The following PACRG variants were observed in gnomAD, a reference collection of about 807,000 sequenced individuals.
PACRG encodes the protein parkin coregulated, also known as parkin coregulated gene protein.
A neutral mutation model predicts 29.7 loss-of-function variants in PACRG; 29 were observed. That is an observed-to-expected ratio of 0.98 (90% CI 0.73 to 1.33). The LOEUF (loss-of-function observed/expected upper bound fraction) is 1.33, where lower values mean the gene tolerates loss of function less well. Ranked by LOEUF, PACRG falls within the 40% of genes most tolerant of loss-of-function variation. PACRG has a pLI of 0.00. For synonymous variants in PACRG, 116 were observed against 118.7 expected (o/e 0.98, Z 0.15); for missense variants, 279 against 316.2 (o/e 0.88, Z 0.89).
At chr6:162,768,622 T>C (rs1298945156) in intron 1 of PACRG, among the ~76,000 whole-genome samples, 3 of 152,144 alleles carry the variant, frequency 2.0e-5, no homozygotes, top group Admixed American at 1.3e-4. Context: ...TTCAACATAA[T>C]TTGTTCAGCT....
intron 2 of PACRG, among the ~76,000 whole-genome samples, chr6:163,028,651 A>G (rs925174075): frequency 2.0e-5 from 3 of 152,252 alleles, no homozygotes; most frequent in African/African-American, 7.2e-5. Context: ...TATAAAGTTT[A>G]AATGATCAAA....
intron 3 of PACRG, among the ~76,000 whole-genome samples, chr6:163,067,256 T>C (rs1811639843): frequency 6.6e-6 from 1 of 152,214 alleles, no homozygotes; most frequent in African/African-American, 2.4e-5. Flanking sequence ...CCGTGGTCGA[T>C]GCTGTTGCTG....
At chr6:162,780,619 A>T (rs192466430) in intron 1 of PACRG, among the ~76,000 whole-genome samples, 3 of 152,308 alleles carry the variant, frequency 2.0e-5, no homozygotes, top group African/African-American at 7.2e-5. Flanking sequence ...TAATAGAAAT[A>T]GGACATTAAA....
At chr6:162,870,339 G>A (rs529262734) in intron 2 of PACRG, among the ~76,000 whole-genome samples, 1 of 152,210 alleles carries the variant, frequency 6.6e-6, no homozygotes, top group Admixed American at 6.5e-5. Flanking sequence ...TCACTCAGAG[G>A]GATATTCCAA....
At chr6:163,219,389 G>A (rs2128158471) in intron 4 of PACRG, among the ~76,000 whole-genome samples, 1 of 152,306 alleles carries the variant, frequency 6.6e-6, no homozygotes, top group South Asian at 2.1e-4. Context: ...TATCCAGAAT[G>A]TGTCTTCCCA....
chr6:163,055,498 A>C lies in PACRG; in HGVS notation c.292-6652A>C, dbSNP rs1466522295. Among the ~76,000 whole-genome samples, 1 of 152,218 alleles carries C rather than the reference A, an allele frequency of 6.6e-6. No homozygotes were observed. The highest frequency in any genetic ancestry group is 1.5e-5 in the Non-Finnish European group (1 of 68,042). On this transcript the variant is annotated intron_variant, in intron 2 of 4. Coordinates refer to ENST00000366888, the MANE Select transcript of PACRG (RefSeq NM_001080379.2). The surrounding 1 kb of genome is among the most constrained non-coding windows in gnomAD (Gnocchi z 4.0). The stretch of plus-strand genomic sequence containing the variant: ...TTCATCCACTGAAAACAAAATTATT[A>C]TAATAAAAAGGAACCCTGGAAGATA...
chr6:162,857,767 TG>T (rs886284223), intron 2 of PACRG, among the ~76,000 whole-genome samples: 2 of 113,658 alleles, frequency 1.8e-5, no homozygotes, highest in Non-Finnish European at 3.5e-5. Flanking sequence ...CCATTTGCTC[TG>T]TTTTTTTTTT....
chr6:162,970,123 T>A (rs1801401329), intron 2 of PACRG, among the ~76,000 whole-genome samples: 1 of 152,216 alleles, frequency 6.6e-6, no homozygotes, highest in African/African-American at 2.4e-5. Flanking sequence ...CCTTCTCATG[T>A]GAGTTGCATT....
intron 2 of PACRG, among the ~76,000 whole-genome samples, chr6:162,864,793 A>G (rs868080087): frequency 5.9e-5 from 9 of 152,312 alleles, no homozygotes; most frequent in Middle Eastern, 3.4e-3. Context: ...TCCACCTCTG[A>G]TTACTCCTAC....
At chr6:162,874,934 C>T (rs1271288583) in intron 2 of PACRG, among the ~76,000 whole-genome samples, 2 of 152,084 alleles carry the variant, frequency 1.3e-5, no homozygotes, top group Non-Finnish European at 2.9e-5. Context: ...TACACACACA[C>T]ATACACTCAC....
chr6:163,290,278 G>GCACA (rs3064946), intron 4 of PACRG, among the ~76,000 whole-genome samples: 4,580 of 114,350 alleles, frequency 0.04, 104 homozygotes, highest in East Asian at 0.078. Flanking sequence ...GCGCGCGCGC[G>GCACA]CACACACACA....
At chr6:162,859,852 CTT>C (rs1791708726) in intron 2 of PACRG, among the ~76,000 whole-genome samples, 1 of 152,104 alleles carries the variant, frequency 6.6e-6, no homozygotes, top group South Asian at 2.1e-4. Flanking sequence ...GTCTTTGGGT[CTT>C]AATTTCAGAA....
chr6:163,207,801 T>C (rs1435754692), intron 4 of PACRG, among the ~76,000 whole-genome samples: 1 of 152,192 alleles, frequency 6.6e-6, no homozygotes, highest in Non-Finnish European at 1.5e-5. Context: ...ATAATGAAAG[T>C]GGAAGAATTA....
intron 4 of PACRG, among the ~76,000 whole-genome samples, chr6:163,272,517 C>T (rs867113841): frequency 2.0e-5 from 3 of 152,122 alleles, no homozygotes; most frequent in African/African-American, 7.2e-5. Flanking sequence ...TTGACTATTT[C>T]CTATAGTAAT....
intron 2 of PACRG, among the ~76,000 whole-genome samples, chr6:162,901,320 A>G (rs1795544540): frequency 6.6e-6 from 1 of 152,194 alleles, no homozygotes; most frequent in Admixed American, 6.5e-5. Flanking sequence ...GCCTCTTACT[A>G]CAGTTTTTCC....
At chr6:163,151,818 A>G (rs1165010519) in intron 4 of PACRG, among the ~76,000 whole-genome samples, 1 of 152,210 alleles carries the variant, frequency 6.6e-6, no homozygotes, top group East Asian at 1.9e-4. Context: ...GTATGTCTAG[A>G]ATGAAGAATG....
intron 2 of PACRG, among the ~76,000 whole-genome samples, chr6:162,947,425 AATC>A (rs1353662713): frequency 2.2e-5 from 2 of 92,872 alleles, no homozygotes; most frequent in African/African-American, 7.0e-5. Flanking sequence ...TCATACATAA[AATC>A]ATATATATAA....
chr6:162,843,111 G>A (rs556988523), intron 2 of PACRG, among the ~76,000 whole-genome samples: 100 of 145,912 alleles, frequency 6.9e-4, no homozygotes, highest in African/African-American at 2.2e-3. Flanking sequence ...TCTTTGTGGC[G>A]TTCTCTGTAT....
At chr6:162,921,585 A>C (rs1363266120) in intron 2 of PACRG, among the ~76,000 whole-genome samples, 1 of 152,156 alleles carries the variant, frequency 6.6e-6, no homozygotes, top group Non-Finnish European at 1.5e-5. Context: ...CTGTGGGGTA[A>C]GACCCAGGCA....
Sources: allele counts gnomAD v4.1 joint callset (sites outside exome capture counted in the v4.1 genomes callset), GRCh38; gene constraint gnomAD v4.1.1; non-coding constraint Gnocchi (gnomAD v3.1); transcripts MANE v1.5; gene names NCBI Gene and HGNC (gene_info 2026-07-23, HGNC 2026-07-21).